SGPP1: variants seen among roughly 807,000 people sequenced by gnomAD.
The protein encoded by SGPP1 is hSPP1.
A neutral mutation model predicts 33.0 loss-of-function variants in SGPP1; 21 were observed. The ratio of observed to expected loss-of-function variants is 0.64; its 90% CI spans 0.45 to 0.92. SGPP1 has a LOEUF of 0.92. Ranked by LOEUF, SGPP1 falls within the 40% of genes least tolerant of loss-of-function variation. SGPP1 has a pLI of 0.00. For missense variants in SGPP1, 543 were observed against 589.4 expected, an observed-to-expected ratio of 0.92 and a Z score of 0.81; for synonymous variants, 239 against 241.2, an observed-to-expected ratio of 0.99 and a Z score of 0.08.
At position 63,686,238 on chromosome 14, in the gene SGPP1, G is replaced by A. The variant is rs780322844; in HGVS notation, c.1193C>T (p.Pro398Leu). 33 of 1,613,870 alleles carry A rather than the reference G, an allele frequency of 2.0e-5. No individual in the cohort carries two copies. The highest frequency in any genetic ancestry group is 1.2e-4 in the African/African-American group (9 of 74,864). The change falls in exon 3 of 3, where the codon CCG becomes CTG. Residue 398 changes from proline (P) to leucine (L), a missense_variant. By Grantham distance (98) the Pro-to-Leu change is moderately conservative (BLOSUM62 -3). Coordinates refer to ENST00000247225, the MANE Select transcript of SGPP1 (RefSeq NM_030791.4). Reference protein sequence around the residue: ...IPLACKIFNIPCDDIRKARQH... With the variant: ...IPLACKIFNILCDDIRKARQH... ...TCTTGCTTTTCGAATATCATCACAC[G>A]GTATATTGAAGATTTTGCAGGCTAA...
Position 63,705,433 on chromosome 14 carries a change from C to T in SGPP1, c.685-6775G>A, listed in dbSNP as rs557940975. Among the ~76,000 whole-genome samples, 4 of 150,928 alleles carry T rather than the reference C, an allele frequency of 2.7e-5. No homozygotes were observed. In the South Asian group the frequency reaches 6.3e-4, roughly 24 times the overall value. ...TTGTAATCCCAGCACTTTGGGGGGC[C>T]GAGGTGGGCAGATTGCTTGAGCCCA... On this transcript the variant is annotated intron_variant, in intron 1 of 2. Transcript: ENST00000247225.
chr14:63,695,292 A>C (rs568244430), intron 2 of SGPP1, among the ~76,000 whole-genome samples: 2 of 152,026 alleles, frequency 1.3e-5, no homozygotes, highest in Non-Finnish European at 2.9e-5. Context: ...TTCTGACCTC[A>C]TGATCCGCCC....
At chr14:63,726,369 G>A (rs1338813288) in intron 1 of SGPP1, among the ~76,000 whole-genome samples, 2 of 151,910 alleles carry the variant, frequency 1.3e-5, no homozygotes, top group Non-Finnish European at 2.9e-5. Flanking sequence ...GATAAACATT[G>A]GAAGGCCAAA....
rs1351959663 is a variant in SGPP1, at chr14:63,711,794, C to A, written c.685-13136G>T. Among the ~76,000 whole-genome samples the A allele has an allele frequency of 5.3e-5, 8 of 152,040 alleles. No individual in the cohort carries two copies. In the East Asian group the frequency reaches 1.5e-3, roughly 29 times the overall value. ...GTCAAGGCCTGTAATCCCAGGAAGGCCAAGGTGGGCAGATCACTTGAGGTC... is the reference window on the plus strand; with the variant it reads ...GTCAAGGCCTGTAATCCCAGGAAGGACAAGGTGGGCAGATCACTTGAGGTC... On this transcript the variant is annotated intron_variant, in intron 1 of 2. Transcript: ENST00000247225.
intron 1 of SGPP1, among the ~76,000 whole-genome samples, chr14:63,726,103 T>G (rs893763163): frequency 8.5e-5 from 13 of 152,216 alleles, no homozygotes; most frequent in Admixed American, 7.9e-4. Context: ...TTCCATGTAC[T>G]GTAAGAGAGA....
chr14:63,701,374 GAT>G (rs1885296061), intron 1 of SGPP1, among the ~76,000 whole-genome samples: 1 of 152,116 alleles, frequency 6.6e-6, no homozygotes, highest in African/African-American at 2.4e-5. Context: ...AATTAAAACA[GAT>G]ATAAAAATAG....
intron 2 of SGPP1, among the ~76,000 whole-genome samples, chr14:63,689,903 CATTAT>C (rs1372323342): frequency 6.6e-6 from 1 of 152,020 alleles, no homozygotes; most frequent in African/African-American, 2.4e-5. Context: ...AAGATTCATT[CATTAT>C]ATTATATGTA....
intron 1 of SGPP1, among the ~76,000 whole-genome samples, chr14:63,724,476 T>G (rs1393698139): frequency 6.6e-6 from 1 of 151,988 alleles, no homozygotes; most frequent in Non-Finnish European, 1.5e-5. Flanking sequence ...CTTTCATTAT[T>G]TAATTCTTCC....
chr14:63,694,142 C>T (rs1885141397), intron 2 of SGPP1, among the ~76,000 whole-genome samples: 1 of 151,938 alleles, frequency 6.6e-6, no homozygotes, highest in South Asian at 2.1e-4. Context: ...GAAAAATCAG[C>T]AGGGCATGGT....
chr14:63,727,010 T>A (rs8023063), intron 1 of SGPP1, among the ~76,000 whole-genome samples: 1 of 152,156 alleles, frequency 6.6e-6, no homozygotes, highest in Admixed American at 6.5e-5. Flanking sequence ...CTAGGAAAAG[T>A]GTGTCCTTTG....
intron 1 of SGPP1, among the ~76,000 whole-genome samples, chr14:63,699,513 TAAG>T (rs1885252888): frequency 6.6e-6 from 1 of 152,162 alleles, no homozygotes; most frequent in South Asian, 2.1e-4. Flanking sequence ...AGTAAGCTTG[TAAG>T]AAGAGTAGAA....
intron 1 of SGPP1, among the ~76,000 whole-genome samples, chr14:63,699,323 T>C (rs1885250058): frequency 3.9e-5 from 6 of 152,000 alleles, no homozygotes; most frequent in Admixed American, 3.9e-4. Flanking sequence ...AAGTTGGCTG[T>C]GAATGTCCTG....
Position 63,728,027 on chromosome 14 carries a change from C to T in SGPP1, c.-83G>A, listed in dbSNP as rs1258102214. On this transcript the variant is annotated 5_prime_UTR_variant, in exon 1 of 3. Coordinates refer to ENST00000247225, the MANE Select transcript of SGPP1 (RefSeq NM_030791.4). ...GCGCTCCTGGCCAGCGGCAGCGGAA[C>T]CGGCACAGCGCTCTACCCTCCGGAG... 2.1e-6 allele frequency: 3 copies of T among 1,398,596 alleles called. No individual in the cohort carries two copies. Among genetic ancestry groups the T allele is most frequent in the Non-Finnish European group, 2.8e-6 (3 of 1,074,328 alleles). 86.6% of individuals were successfully genotyped at this position (1,398,596 alleles called of 1,614,324 possible). A position where few individuals can be genotyped will look rare whatever the true frequency, so the allele number is the denominator to read the frequency against.
At chr14:63,694,599 T>A in intron 2 of SGPP1, among the ~76,000 whole-genome samples, 1 of 152,176 alleles carries the variant, frequency 6.6e-6, no homozygotes, top group East Asian at 1.9e-4. Flanking sequence ...TCCTATCCAA[T>A]AGAATCAGAA....
At chr14:63,706,746 A>T (rs1007080559) in intron 1 of SGPP1, among the ~76,000 whole-genome samples, 1 of 152,172 alleles carries the variant, frequency 6.6e-6, no homozygotes, top group African/African-American at 2.4e-5. Context: ...ACCATAATAA[A>T]TTGCAATCTG....
At position 63,723,873 on chromosome 14, in the gene SGPP1, T is replaced by A. The variant is rs554913714; in HGVS notation, c.684+3388A>T. 9.2e-5 allele frequency among the ~76,000 whole-genome samples: 14 copies of A among 152,046 alleles called. No homozygotes were observed. In the South Asian group the frequency reaches 2.7e-3, roughly 29 times the overall value. ...ATCTGCATTTTTAAACAACCCCGAG[T>A]TTGTACGCTGTCTTTTTTTTTTGAG... On this transcript the variant is annotated intron_variant, in intron 1 of 2. Transcript: ENST00000247225.
At chr14:63,705,304 A>G (rs1486259480) in intron 1 of SGPP1, among the ~76,000 whole-genome samples, 1 of 148,948 alleles carries the variant, frequency 6.7e-6, no homozygotes, top group Non-Finnish European at 1.5e-5. Context: ...AGACAACACA[A>G]TTGAAAAATG....
At chr14:63,708,434 T>G (rs1306040627) in intron 1 of SGPP1, among the ~76,000 whole-genome samples, 2 of 151,554 alleles carry the variant, frequency 1.3e-5, no homozygotes, top group African/African-American at 4.8e-5. Flanking sequence ...TTTTTTTTTT[T>G]TGTATTTTTA....
At chr14:63,721,786 A>T (rs540734092) in intron 1 of SGPP1, among the ~76,000 whole-genome samples, 4 of 152,240 alleles carry the variant, frequency 2.6e-5, no homozygotes, top group Non-Finnish European at 4.4e-5. Flanking sequence ...TGTTTATCAA[A>T]TTTTTTATTT....
Sources: gnomAD v4.1 joint callset for allele counts (sites outside exome capture counted in the v4.1 genomes callset) on GRCh38, gnomAD v4.1.1 for gene constraint, MANE v1.5 for transcripts, NCBI Gene and HGNC (gene_info 2026-07-23, HGNC 2026-07-21) for gene names.